The following KDM6A variants were observed in gnomAD, a reference collection of about 807,000 sequenced individuals.
The protein encoded by KDM6A is lysine demethylase 6A, also known as lysine-specific demethylase 6A.
KDM6A carries 11 observed loss-of-function variants against 117.6 expected under a neutral mutation model. That is an observed-to-expected ratio of 0.09 (90% confidence interval 0.06 to 0.15). The LOEUF is 0.15. Ranked by LOEUF, KDM6A falls within the 10% of genes least tolerant of loss-of-function variation. KDM6A has a pLI of 1.00. For missense variants in KDM6A, 799 were observed against 1,077.3 expected (o/e 0.74, Z 3.62); for synonymous variants, 384 against 396.1 (o/e 0.97, Z 0.36).
intron 9 of KDM6A, among the ~76,000 whole-genome samples, chrX:45,052,985 G>A (rs1213708429): frequency 1.8e-5 from 2 of 111,995 alleles, no homozygotes; most frequent in Non-Finnish European, 3.8e-5. Context: ...GTGAGCCACT[G>A]TGCCTGGCCT....
intron 2 of KDM6A, among the ~76,000 whole-genome samples, chrX:44,910,378 G>A (rs1318469545): frequency 5.4e-5 from 6 of 110,869 alleles, no homozygotes; most frequent in African/African-American, 1.6e-4. Flanking sequence ...TAGTAGAGGC[G>A]GAGTTTTGTC....
At chrX:44,934,231 G>C (rs1304720265) in intron 2 of KDM6A, among the ~76,000 whole-genome samples, 2 of 111,738 alleles carry the variant, frequency 1.8e-5, no homozygotes, top group African/African-American at 6.5e-5. Flanking sequence ...TATTTGGCAT[G>C]CCATCATCTT....
chrX:44,943,863 T>C (rs750357653), intron 2 of KDM6A, among the ~76,000 whole-genome samples: 129 of 112,068 alleles, frequency 1.2e-3, no homozygotes, highest in African/African-American at 4.0e-3. Context: ...TATATTTAAC[T>C]GCCAATCTGT....
intron 4 of KDM6A, among the ~76,000 whole-genome samples, chrX:44,980,064 T>TC (rs2039820043): frequency 9.4e-6 from 1 of 106,654 alleles, no homozygotes; most frequent in Non-Finnish European, 1.9e-5. Flanking sequence ...TGGCACGATC[T>TC]TGGCTCACTG....
chrX:44,887,913 C>T (rs2033025490), intron 2 of KDM6A, among the ~76,000 whole-genome samples: 3 of 111,259 alleles, frequency 2.7e-5, no homozygotes. Context: ...GAAAACCGCT[C>T]GAGCCCAGGA....
intron 2 of KDM6A, among the ~76,000 whole-genome samples, chrX:44,907,503 C>G (rs1224484942): frequency 1.8e-4 from 16 of 88,733 alleles, no homozygotes; most frequent in Non-Finnish European, 2.8e-4. Context: ...TTTTCTGAGA[C>G]AGCGTCTTGT....
intron 24 of KDM6A, 106 bp from the exon 25 acceptor site, chrX:45,085,759 T>G: frequency 2.0e-6 from 1 of 504,906 alleles, no homozygotes; most frequent in Non-Finnish European, 3.6e-6. Flanking sequence ...AAAGACCCAT[T>G]TTTCTATAGA....
At position 45,089,945 on chromosome X, in the gene KDM6A, A is replaced by G; in HGVS notation, c.3892+15A>G. 8.4e-7 allele frequency: 1 copy of G among 1,187,915 alleles called. No individual in the cohort carries two copies. Among genetic ancestry groups the G allele is most frequent in the Non-Finnish European group, 1.1e-6 (1 of 875,789 alleles). ...TCCACTTACAGGTATTATAAAGAAT[A>G]TGCTTTAAAAAAGTTAATTTATAAA... is the stretch of plus-strand genomic sequence containing the variant. On this transcript the variant is annotated intron_variant, in intron 26 of 29. Coordinates refer to ENST00000611820, the MANE Select transcript of KDM6A (RefSeq NM_001291415.2).
Position 45,107,554 on chromosome X carries a change from T to C in KDM6A, c.4161+18T>C. The C allele has an allele frequency of 3.3e-6, 4 of 1,196,253 alleles. No individual in the cohort carries two copies. Among genetic ancestry groups the C allele is most frequent in the Middle Eastern group, 2.3e-4 (1 of 4,325 alleles). ...TTTGTGAAGTAAGTAATTGTTTTTA[T>C]CCACAGTTGTTTTATAAAGCCTCTT... On this transcript the variant is annotated intron_variant, in intron 28 of 29. Coordinates refer to ENST00000611820, the MANE Select transcript of KDM6A (RefSeq NM_001291415.2).
intron 2 of KDM6A, among the ~76,000 whole-genome samples, chrX:44,908,165 C>T (rs985395104): frequency 2.7e-5 from 3 of 110,577 alleles, no homozygotes; most frequent in Non-Finnish European, 3.8e-5. Context: ...CTTGAAAGGG[C>T]TTTTGTCTTG....
chrX:45,073,177 C>T (rs1251231568), intron 18 of KDM6A, among the ~76,000 whole-genome samples: 1 of 111,076 alleles, frequency 9.0e-6, no homozygotes, highest in Non-Finnish European at 1.9e-5. Context: ...CCAGCTTCAT[C>T]CATGTCCCTG....
intron 2 of KDM6A, among the ~76,000 whole-genome samples, chrX:44,894,087 G>A (rs763529800): frequency 5.4e-5 from 6 of 111,779 alleles, no homozygotes; most frequent in Admixed American, 9.6e-5. Context: ...GAATATGGAT[G>A]AGTGTATCTC....
intron 2 of KDM6A, among the ~76,000 whole-genome samples, chrX:44,887,612 T>C (rs1300334625): frequency 1.8e-5 from 2 of 111,360 alleles, no homozygotes; most frequent in African/African-American, 6.5e-5. Context: ...ACAATTTGGA[T>C]TGATCCTGGA....
intron 8 of KDM6A, among the ~76,000 whole-genome samples, chrX:45,040,456 C>G (rs767883405): frequency 5.7e-5 from 5 of 87,005 alleles, no homozygotes; most frequent in South Asian, 6.3e-4. Context: ...GCTGACCCCC[C>G]CCACCTCCCT....
chrX:44,913,100 G>A (rs2035312076), intron 2 of KDM6A, among the ~76,000 whole-genome samples: 1 of 111,670 alleles, frequency 9.0e-6, no homozygotes, highest in South Asian at 3.8e-4. Flanking sequence ...CTGTAAACAG[G>A]AAGAGTAACT....
intron 9 of KDM6A, 141 bp downstream of exon 9, chrX:45,051,943 A>G (rs2043874616): frequency 4.6e-6 from 2 of 435,300 alleles, no homozygotes; most frequent in African/African-American, 2.5e-5. Flanking sequence ...GCATATTTGT[A>G]TCCTCTGCCC....
chrX:45,018,303 C>T (rs2042043695), intron 5 of KDM6A, among the ~76,000 whole-genome samples: 1 of 110,910 alleles, frequency 9.0e-6, no homozygotes, highest in South Asian at 3.8e-4. Flanking sequence ...GAAAGAACAA[C>T]GAGGAGAACT....
At chrX:44,922,482 T>C (rs1023859392) in intron 2 of KDM6A, among the ~76,000 whole-genome samples, 1 of 112,123 alleles carries the variant, frequency 8.9e-6, no homozygotes, top group Admixed American at 9.5e-5. Context: ...TTTTTTTGTT[T>C]GTTTGAAACA....
chrX:45,036,779 A>G (rs1324541641), intron 7 of KDM6A, among the ~76,000 whole-genome samples: 1 of 112,799 alleles, frequency 8.9e-6, no homozygotes, highest in African/African-American at 3.2e-5. Flanking sequence ...CAGTTGAATG[A>G]TAACTTTTAT....
Sources: gnomAD v4.1 joint callset for allele counts (sites outside exome capture counted in the v4.1 genomes callset) on GRCh38, gnomAD v4.1.1 for gene constraint, MANE v1.5 for transcripts, NCBI Gene and HGNC (gene_info 2026-07-23, HGNC 2026-07-21) for gene names.